The following SCMH1 variants were observed in gnomAD, a reference collection of about 807,000 sequenced individuals.
SCMH1 encodes the protein Scm polycomb group protein homolog 1.
In SCMH1, 37 loss-of-function variants were observed where a neutral mutation model predicts 70.8. That is an observed-to-expected ratio of 0.52 (90% CI 0.40 to 0.69). The LOEUF is 0.69. Ranked by LOEUF, SCMH1 falls within the 30% of genes least tolerant of loss-of-function variation. The pLI is 0.00. For missense variants in SCMH1, 607 were observed against 827.3 expected, an observed-to-expected ratio of 0.73 and a Z score of 3.27; for synonymous variants, 292 against 307.4, an observed-to-expected ratio of 0.95 and a Z score of 0.52.
At chr1:41,192,835 C>A (rs2148674069) in intron 1 of SCMH1, among the ~76,000 whole-genome samples, 1 of 152,268 alleles carries the variant, frequency 6.6e-6, no homozygotes, top group South Asian at 2.1e-4. Context: ...TATGCTTCAC[C>A]AATTCACATT....
chr1:41,088,796 A>T (rs1193666925), intron 8 of SCMH1, among the ~76,000 whole-genome samples: 2 of 152,236 alleles, frequency 1.3e-5, no homozygotes, highest in African/African-American at 4.8e-5. Flanking sequence ...CCATAGTGGT[A>T]TGCATATAGA....
intron 10 of SCMH1, among the ~76,000 whole-genome samples, chr1:41,049,171 C>A (rs982072610): frequency 8.5e-5 from 13 of 152,310 alleles, no homozygotes; most frequent in Admixed American, 2.0e-4. Flanking sequence ...GTCTTCTGTG[C>A]ACTGAAAAGA....
chr1:41,139,008 G>C (rs1307069952), intron 6 of SCMH1, among the ~76,000 whole-genome samples: 2 of 152,150 alleles, frequency 1.3e-5, no homozygotes, highest in Non-Finnish European at 2.9e-5. Flanking sequence ...AGATGGGCCT[G>C]TTTAAGGTAG....
rs139919027 is a variant in SCMH1 at position 41,223,513 on chromosome 1, C to CTT, written c.-118+18544_-118+18545dup. Among the ~76,000 whole-genome samples the CTT allele has an allele frequency of 3.2e-4, 47 of 145,608 alleles. No homozygotes were observed. The East Asian group carries it at 7.2e-3, about 22-fold the overall frequency. On this transcript the variant is annotated intron_variant, in intron 1 of 14. Coordinates refer to ENST00000337495, the Ensembl canonical transcript of SCMH1. ...ATTTGTGTGAGAGTCGTAATTTTAT[C>CTT]TTTTTTTTTTTAAGGAAAATTATCC...
chr1:41,224,421 G>C (rs1354278406), intron 1 of SCMH1, among the ~76,000 whole-genome samples: 1 of 152,202 alleles, frequency 6.6e-6, no homozygotes, highest in East Asian at 1.9e-4. Flanking sequence ...TTTCCCTATA[G>C]CAACTAGCAT....
chr1:41,124,190 A>G (rs959072161), intron 6 of SCMH1, among the ~76,000 whole-genome samples: 4 of 152,194 alleles, frequency 2.6e-5, no homozygotes, highest in South Asian at 2.1e-4. Flanking sequence ...TTTCATCTAC[A>G]TATATTAATG....
At chr1:41,129,128 T>C (rs780244838) in intron 6 of SCMH1, among the ~76,000 whole-genome samples, 1 of 152,176 alleles carries the variant, frequency 6.6e-6, no homozygotes, top group Non-Finnish European at 1.5e-5. Context: ...ATCTGTGTTA[T>C]TTCTGGATTC....
At chr1:41,034,019 C>G (rs937270374) in intron 13 of SCMH1, 1 of 1,613,608 alleles carries the variant, frequency 6.2e-7, no homozygotes, top group Non-Finnish European at 8.5e-7. Context: ...GATTCCATAT[C>G]CCTTCTTTCA....
chr1:41,198,729 A>G (rs1005384443), intron 1 of SCMH1, among the ~76,000 whole-genome samples: 2 of 152,234 alleles, frequency 1.3e-5, no homozygotes, highest in Admixed American at 1.3e-4. Context: ...TAAAAGTGCA[A>G]GAAATAACAG....
intron 2 of SCMH1, among the ~76,000 whole-genome samples, chr1:41,174,889 A>C (rs1320137106): frequency 1.3e-5 from 2 of 152,082 alleles, no homozygotes; most frequent in Non-Finnish European, 2.9e-5. Context: ...GAAGAACTTC[A>C]CTCCCCTGGG....
intron 8 of SCMH1, among the ~76,000 whole-genome samples, chr1:41,083,328 G>C (rs1172080947): frequency 6.6e-6 from 1 of 152,060 alleles, no homozygotes; most frequent in East Asian, 1.9e-4. Context: ...TTATAAACCA[G>C]TATCAGACAA....
intron 1 of SCMH1, among the ~76,000 whole-genome samples, chr1:41,206,134 C>T (rs1557822247): frequency 6.6e-6 from 1 of 152,206 alleles, no homozygotes; most frequent in Non-Finnish European, 1.5e-5. Flanking sequence ...AGCGCCTCTT[C>T]TCCTCCAAAG....
intron 2 of SCMH1, among the ~76,000 whole-genome samples, chr1:41,165,088 T>C (rs1646326391): frequency 6.6e-6 from 1 of 152,106 alleles, no homozygotes; most frequent in Non-Finnish European, 1.5e-5. Flanking sequence ...CATTCTACTC[T>C]CTACTTCTCT....
At chr1:41,051,187 C>T (rs967116567) in intron 10 of SCMH1, among the ~76,000 whole-genome samples, 1 of 152,144 alleles carries the variant, frequency 6.6e-6, no homozygotes, top group African/African-American at 2.4e-5. Flanking sequence ...TTCCTATCAC[C>T]TAGTGACCTT....
At chr1:41,242,230 G>GGGGCGGGGGCTCCCCC, upstream of SCMH1, 1 of 145,216 alleles carries the variant, frequency 6.9e-6, no homozygotes, top group Non-Finnish European at 1.5e-5. The surrounding 1 kb of genome is among the most constrained non-coding windows in gnomAD (Gnocchi z 5.2). Context: ...GGCGGGGGGC[G>GGGGCGGGGGCTCCCCC]GGGCGGGGGC....
chr1:41,242,295 T>C (rs1233488081), upstream of SCMH1: 5 of 133,942 alleles, frequency 3.7e-5, no homozygotes, highest in South Asian at 2.4e-4. The surrounding 1 kb of genome is among the most constrained non-coding windows in gnomAD (Gnocchi z 5.2). Context: ...GCCTCGGCCG[T>C]TGGGCTCGCG....
chr1:41,067,738 T>C (rs1195983961), intron 10 of SCMH1, among the ~76,000 whole-genome samples: 1 of 152,172 alleles, frequency 6.6e-6, no homozygotes, highest in Non-Finnish European at 1.5e-5. Context: ...TATGTCATTA[T>C]ACATTTGTCA....
chr1:41,155,309 A>G (rs1484086369), intron 4 of SCMH1, among the ~76,000 whole-genome samples: 2 of 152,218 alleles, frequency 1.3e-5, no homozygotes, highest in Non-Finnish European at 2.9e-5. Context: ...TCTAATATTC[A>G]TTCATTCAGC....
intron 2 of SCMH1, among the ~76,000 whole-genome samples, chr1:41,179,633 C>G (rs140361145): frequency 3.1e-3 from 476 of 152,150 alleles, no homozygotes; most frequent in Non-Finnish European, 5.0e-3. Flanking sequence ...ATAAATTCCT[C>G]GACACATACA....
Sources: gnomAD v4.1 joint callset for allele counts (sites outside exome capture counted in the v4.1 genomes callset) on GRCh38, gnomAD v4.1.1 for gene constraint, Gnocchi (gnomAD v3.1) non-coding constraint, MANE v1.5 for transcripts, NCBI Gene and HGNC (gene_info 2026-07-23, HGNC 2026-07-21) for gene names.